DNAH12: variants seen among roughly 807,000 people sequenced by gnomAD.
DNAH12 encodes dynein axonemal heavy chain 12.
DNAH12 carries 285 observed loss-of-function variants against 371.5 expected under a neutral mutation model. That is an observed-to-expected ratio of 0.77 (90% CI 0.70 to 0.85). The LOEUF (loss-of-function observed/expected upper bound fraction) is 0.85, where lower values mean the gene tolerates loss of function less well. Among genes scored for constraint, DNAH12 ranks in the 40% least tolerant of loss-of-function variants. The pLI is 0.00. For synonymous variants in DNAH12, 1,200 were observed against 1,213.0 expected (o/e 0.99, Z 0.22); for missense variants, 3,611 against 3,689.4 (o/e 0.98, Z 0.55).
intron 1 of DNAH12, among the ~76,000 whole-genome samples, chr3:57,543,640 C>T (rs961411269): frequency 6.7e-6 from 1 of 150,290 alleles, no homozygotes; most frequent in African/African-American, 2.4e-5. Flanking sequence ...TATTTTTAAA[C>T]ATCAGTATGA....
At chr3:57,298,858 G>A (rs1026592707) in intron 70 of DNAH12, among the ~76,000 whole-genome samples, 9 of 152,110 alleles carry the variant, frequency 5.9e-5, no homozygotes, top group African/African-American at 2.2e-4. Context: ...TAAGCTCTTG[G>A]CAGCTTCAGG....
chr3:57,512,078 A>G (rs2068020452), intron 4 of DNAH12, among the ~76,000 whole-genome samples: 1 of 152,066 alleles, frequency 6.6e-6, no homozygotes, highest in African/African-American at 2.4e-5. Context: ...CTACATAAAA[A>G]CATAAATGTT....
intron 2 of DNAH12, among the ~76,000 whole-genome samples, chr3:57,529,210 G>GT (rs2068757334): frequency 6.6e-6 from 1 of 152,082 alleles, no homozygotes; most frequent in South Asian, 2.1e-4. Context: ...TTTTTTTGAT[G>GT]TATCTTTGTC....
Position 57,483,435 on chromosome 3 carries a change from T to A in DNAH12, c.1591A>T (p.Ile531Leu), listed in dbSNP as rs1171296084. 1 of 1,551,342 alleles carries A rather than the reference T, an allele frequency of 6.4e-7. No individual in the cohort carries two copies. Among genetic ancestry groups the A allele is most frequent in the East Asian group, 2.4e-5 (1 of 40,894 alleles). ...GTCCGGGCTTTTTCTACATAAGATATCAGATCCATCATCTCTTCTGTTGTT... is the reference window on the plus strand; with the variant it reads ...GTCCGGGCTTTTTCTACATAAGATAACAGATCCATCATCTCTTCTGTTGTT... ...PETTEEMMDL[I>L]SYVEKARTVG... The change falls in exon 13 of 74, where the codon ATA becomes TTA. Residue 531 changes from isoleucine to leucine, a missense_variant. Ile to Leu is a conservative substitution (Grantham distance 5, BLOSUM62 2). Around this residue, in one of 3 missense-constraint regions of DNAH12, gnomAD observed 1,314 missense variants for 1,398.7 expected, o/e 0.94. Transcript: ENST00000495027.
intron 57 of DNAH12, among the ~76,000 whole-genome samples, chr3:57,365,862 CATAT>C (rs1277920997): frequency 2.0e-5 from 3 of 147,944 alleles, no homozygotes; most frequent in South Asian, 2.1e-4. Context: ...TGTGTGTACA[CATAT>C]ATATATATAT....
chr3:57,360,464 G>A (rs941369419), intron 58 of DNAH12, among the ~76,000 whole-genome samples: 27 of 152,076 alleles, frequency 1.8e-4, no homozygotes, highest in Admixed American at 1.2e-3. Flanking sequence ...CAAGGCAGGC[G>A]GATCACCTGA....
chr3:57,548,700 G>T (rs7610386), upstream of DNAH12: 127,482 of 152,038 alleles, frequency 0.84, 54,082 homozygotes, highest in African/African-American at 0.95. Flanking sequence ...AGTGAGACAC[G>T]GTCTCAAAAA....
At chr3:57,499,648 ATATAT>A (rs1160124499) in intron 11 of DNAH12, among the ~76,000 whole-genome samples, 3 of 21,298 alleles carry the variant, frequency 1.4e-4, no homozygotes, top group East Asian at 6.8e-4. Flanking sequence ...AAAAAAAAAA[ATATAT>A]ATATATATAT....
At chr3:57,477,533 C>A (rs530590638) in intron 13 of DNAH12, among the ~76,000 whole-genome samples, 2 of 152,268 alleles carry the variant, frequency 1.3e-5, no homozygotes, top group African/African-American at 4.8e-5. Context: ...GCAGAATCCT[C>A]TGCAGACTTA....
intron 35 of DNAH12, among the ~76,000 whole-genome samples, chr3:57,422,064 G>C (rs904429761): frequency 2.6e-5 from 4 of 150,960 alleles, no homozygotes; most frequent in Non-Finnish European, 5.9e-5. Context: ...ACACCACAAA[G>C]CCTGACTAAT....
the DNAH12 span, among the ~76,000 whole-genome samples, chr3:57,549,582 T>C: frequency 1.3e-5 from 2 of 152,124 alleles, no homozygotes; most frequent in South Asian, 4.1e-4. Context: ...CTCTCTTCTT[T>C]CTTTTGCAAT....
At chr3:57,533,509 C>T (rs144095373) in intron 2 of DNAH12, among the ~76,000 whole-genome samples, 1 of 152,224 alleles carries the variant, frequency 6.6e-6, no homozygotes, top group Admixed American at 6.5e-5. Flanking sequence ...CCACAGTGTA[C>T]TACCTGAGTA....
rs1477573680 is a variant in DNAH12 at position 57,448,668 on chromosome 3, C to T, written c.3787-1979G>A. 4.6e-5 allele frequency among the ~76,000 whole-genome samples: 7 copies of T among 152,336 alleles called. No homozygotes were observed. In the East Asian group the frequency reaches 1.3e-3, roughly 29 times the overall value. On this transcript the variant is annotated intron_variant, in intron 25 of 73. Transcript: ENST00000495027. ...CTTTTATTCTCTTATCTGGCCCCACCCACATCCTGCTGATTGGTAGAGCGA... is the reference window on the plus strand; with the variant it reads ...CTTTTATTCTCTTATCTGGCCCCACTCACATCCTGCTGATTGGTAGAGCGA...
Position 57,405,882 on chromosome 3 carries a change from T to C in DNAH12, c.6347A>G (p.Asp2116Gly), listed in dbSNP as rs2064010434. Reference protein sequence around the residue: ...TKSHYTFNLRDFSRVIRGCLL... With the variant: ...TKSHYTFNLRGFSRVIRGCLL... ...ACAGCCCCGGATGACGCGTGAAAAA[T>C]CACGCAAGTTGAAAGTATAATGGGA... Residue 2116 changes from aspartate (D) to glycine (G), a missense_variant, in exon 41 of 74, where the codon GAT becomes GGT. By Grantham distance (94) the Asp-to-Gly change is moderately conservative. Around this residue, in one of 3 missense-constraint regions of DNAH12, gnomAD observed 2,266 missense variants for 2,236.9 expected, o/e 1.01. Transcript: ENST00000495027. 1.3e-6 allele frequency: 2 copies of C among 1,551,226 alleles called. No homozygotes were observed. The highest frequency in any genetic ancestry group is 2.0e-5 in the Admixed American group (1 of 50,988).
In DNAH12 at chr3:57,379,296, C is replaced by CA. The variant is rs2063339813; in HGVS notation, c.8084dup (p.Thr2696AspfsTer8). ...CACTACGAATCTTCTGCATAACAGT[C>CA]ACCTATACAACAAAGATTTAAATTT... is the stretch of plus-strand genomic sequence containing the variant. On this transcript the variant is annotated frameshift_variant and splice_region_variant, in exon 52 of 74. Transcript: ENST00000495027. LOFTEE classifies it high-confidence loss of function. The CA allele has an allele frequency of 1.3e-5, 2 of 152,020 alleles. No individual in the cohort carries two copies. Among genetic ancestry groups the CA allele is most frequent in the Admixed American group, 1.3e-4 (2 of 15,248 alleles). The allele number at this position is 152,020 out of a possible 1,614,324, so 9.4% of individuals were successfully genotyped here. A position where few individuals can be genotyped will look rare whatever the true frequency, so the allele number is the denominator to read the frequency against.
intron 57 of DNAH12, among the ~76,000 whole-genome samples, chr3:57,365,410 T>C (rs1484230980): frequency 6.6e-6 from 1 of 152,044 alleles, no homozygotes; most frequent in Non-Finnish European, 1.5e-5. Flanking sequence ...CTGAAAAATA[T>C]GAACACGTAG....
At chr3:57,394,026 A>G (rs986515090) in intron 44 of DNAH12, 145 bp downstream of exon 44, 1 of 152,240 alleles carries the variant, frequency 6.6e-6, no homozygotes, top group Non-Finnish European at 1.5e-5. Flanking sequence ...TTCACCAAAC[A>G]ATGATGTATT....
At chr3:57,453,084 A>G in intron 24 of DNAH12, 69 bp from the exon 25 acceptor site, 1 of 1,481,094 alleles carries the variant, frequency 6.8e-7, no homozygotes, top group Admixed American at 2.8e-5. Context: ...GAAGTATTTT[A>G]TCTTTTATAA....
At chr3:57,450,598 C>G (rs1289490495) in intron 25 of DNAH12, among the ~76,000 whole-genome samples, 1 of 152,154 alleles carries the variant, frequency 6.6e-6, no homozygotes, top group Non-Finnish European at 1.5e-5. Context: ...GTTGTTAGCC[C>G]CCACCTTACA....
Sources: allele counts gnomAD v4.1 joint callset (sites outside exome capture counted in the v4.1 genomes callset), GRCh38; gene constraint gnomAD v4.1.1; regional missense constraint gnomAD v4.1.1; transcripts MANE v1.5; gene names NCBI Gene and HGNC (gene_info 2026-07-23, HGNC 2026-07-21).